Variants in GPR55 observed in about 807,000 individuals in gnomAD.
GPR55 encodes G-protein coupled receptor 55.
In GPR55, 6 loss-of-function variants were observed where a neutral mutation model predicts 7.9. The ratio of observed to expected loss-of-function variants is 0.76; its 90% confidence interval spans 0.41 to 1.49. The LOEUF (loss-of-function observed/expected upper bound fraction) is 1.49. Among genes scored for constraint, GPR55 ranks in the 40% most tolerant of loss-of-function variants. The probability of loss-of-function intolerance (pLI) is 0.01; values close to 1 mark genes in which losing one functional copy is unlikely to be tolerated. For synonymous variants in GPR55, 183 were observed against 166.8 expected (o/e 1.10, Z -0.75); for missense variants, 376 against 406.0 (o/e 0.93, Z 0.63).
intron 1 of GPR55, among the ~76,000 whole-genome samples, chr2:230,956,789 TA>T (rs1305117860): frequency 6.6e-6 from 1 of 152,256 alleles, no homozygotes; most frequent in African/African-American, 2.4e-5. Flanking sequence ...GACTGTTTAA[TA>T]CCTTTTCATC....
intron 1 of GPR55, among the ~76,000 whole-genome samples, chr2:230,953,147 T>C (rs1054704824): frequency 6.6e-6 from 1 of 151,894 alleles, no homozygotes; most frequent in Non-Finnish European, 1.5e-5. Context: ...AGCAACCAGG[T>C]GGAGGTGGTG....
At chr2:230,933,343 A>C (rs900166003) in intron 1 of GPR55, among the ~76,000 whole-genome samples, 1 of 151,210 alleles carries the variant, frequency 6.6e-6, no homozygotes, top group African/African-American at 2.4e-5. Context: ...CGCATCCTCC[A>C]CCTGCCCTCC....
rs773564692 is a variant in GPR55 at position 230,944,025 on chromosome 2, G to C, written c.-135+16750C>G. On this transcript the variant is annotated intron_variant, in intron 1 of 1. Transcript: ENST00000392039. The surrounding 1 kb of genome is among the most constrained non-coding windows in gnomAD (Gnocchi z 4.2). The stretch of plus-strand genomic sequence containing the variant: ...GGGTCTGTCTTAGGAAGGGGCCCTC[G>C]GGCTGTCCCTCTTCTCCCTGGCCCT... 6.6e-6 allele frequency among the ~76,000 whole-genome samples: 1 copy of C among 152,122 alleles called. No homozygotes were observed. Among genetic ancestry groups the C allele is most frequent in the South Asian group, 2.1e-4 (1 of 4,818 alleles).
intron 1 of GPR55, among the ~76,000 whole-genome samples, chr2:230,935,695 G>A (rs570142305): frequency 1.1e-4 from 17 of 152,348 alleles, no homozygotes; most frequent in East Asian, 3.9e-4. Context: ...ATTTTGGACC[G>A]GAGGGTACGG....
intron 1 of GPR55, among the ~76,000 whole-genome samples, chr2:230,931,745 C>T (rs1447677278): frequency 1.3e-5 from 2 of 152,126 alleles, no homozygotes; most frequent in Non-Finnish European, 2.9e-5. Flanking sequence ...GCCCCATCCC[C>T]ATGAGAGCAT....
At position 230,910,221 on chromosome 2, in the gene GPR55, G is replaced by A; in HGVS notation, c.742C>T (p.Leu248=). The A allele has an allele frequency of 6.2e-7, 1 of 1,614,174 alleles. No homozygotes were observed. The highest frequency in any genetic ancestry group is 8.5e-7 in the Non-Finnish European group (1 of 1,179,982). ...SFLPVHLGFF[L]QFLVRNSFIV... ...AAGCTGTTTCTCACCAGGAACTGCA[G>A]GAAGAACCCCAGGTGGACTGGGAGG... Residue 248 remains leucine (L), a synonymous_variant, in exon 2 of 2, where the codon CTG becomes TTG. Transcript: ENST00000650999. This position sits in a 1 kb window ranked among gnomAD's most constrained non-coding sequence, Gnocchi z 5.4.
chr2:230,931,908 T>A (rs1401755804), intron 1 of GPR55, among the ~76,000 whole-genome samples: 1 of 151,590 alleles, frequency 6.6e-6, no homozygotes, highest in Non-Finnish European at 1.5e-5. Flanking sequence ...AAGGGAACCA[T>A]CCAAATGGCA....
Position 230,909,429 on chromosome 2 carries a change from G to A in GPR55, c.*574C>T, listed in dbSNP as rs890666443. The A allele has an allele frequency of 6.5e-6, 1 of 153,446 alleles. No individual in the cohort carries two copies. Among genetic ancestry groups the A allele is most frequent in the Non-Finnish European group, 1.4e-5 (1 of 68,994 alleles). 9.5% of individuals were successfully genotyped at this position (153,446 alleles called of 1,614,324 possible). On this transcript the variant is annotated 3_prime_UTR_variant, in exon 2 of 2. Coordinates refer to ENST00000650999, the MANE Select transcript of GPR55 (RefSeq NM_005683.4). ...TGGGGTGATCCATGCTACTTGCCCA[G>A]CCCCAACACCACCCCTTCTTGCTGT...
intron 1 of GPR55, among the ~76,000 whole-genome samples, chr2:230,920,489 T>A (rs7423424): frequency 2.6e-4 from 40 of 151,900 alleles, no homozygotes; most frequent in East Asian, 7.7e-4. Context: ...CATGATTTTT[T>A]TAAAAAAAAA....
upstream of GPR55, among the ~76,000 whole-genome samples, chr2:230,926,865 G>T (rs543304032): frequency 6.6e-6 from 1 of 151,498 alleles, no homozygotes; most frequent in East Asian, 2.0e-4. Context: ...AACTTTTTTC[G>T]TATTTTTAGT....
chr2:230,925,941 C>T (rs927185711), upstream of GPR55, among the ~76,000 whole-genome samples: 14 of 152,282 alleles, frequency 9.2e-5, no homozygotes, highest in Admixed American at 5.9e-4. Context: ...GAGACTCACC[C>T]GTGGGCCTGG....
In GPR55 at chr2:230,910,139, C is replaced by T. The variant is rs761600709; in HGVS notation, c.824G>A (p.Cys275Tyr). The part of the protein sequence containing the change: ...SISFFLQLSM[C>Y]FSNVNCCLDV... ...CAGGCAGCAGTTGACGTTGGAGAAACACATGGACAATTGCAAGAAGAAGCT... is the reference window on the plus strand; with the variant it reads ...CAGGCAGCAGTTGACGTTGGAGAAATACATGGACAATTGCAAGAAGAAGCT... The change falls in exon 2 of 2, where the codon TGT (cysteine) becomes TAT (tyrosine). Residue 275 changes from cysteine (C) to tyrosine (Y), a missense_variant. Coordinates refer to ENST00000650999, the MANE Select transcript of GPR55 (RefSeq NM_005683.4). The surrounding 1 kb of genome is among the most constrained non-coding windows in gnomAD (Gnocchi z 5.4). 6.2e-7 allele frequency: 1 copy of T among 1,614,146 alleles called. No individual in the cohort carries two copies. Among genetic ancestry groups the T allele is most frequent in the Non-Finnish European group, 8.5e-7 (1 of 1,180,026 alleles).
At chr2:230,934,998 G>C (rs1054790429) in intron 1 of GPR55, among the ~76,000 whole-genome samples, 5 of 152,030 alleles carry the variant, frequency 3.3e-5, no homozygotes, top group Non-Finnish European at 7.4e-5. Context: ...ACACACATGG[G>C]TTACCTCCTT....
At position 230,941,181 on chromosome 2, in the gene GPR55, G is replaced by A. The variant is rs568979579; in HGVS notation, c.-135+19594C>T. 2.0e-5 allele frequency among the ~76,000 whole-genome samples: 3 copies of A among 152,188 alleles called. No individual in the cohort carries two copies. In the South Asian group the frequency reaches 6.2e-4, roughly 32 times the overall value. ...GCCTGGGTGCCTCCAGGCTCAGAGA[G>A]AACCCTCTAGATGCTCTGTCCAGCA... On this transcript the variant is annotated intron_variant, in intron 1 of 1. Transcript: ENST00000392039.
intron 1 of GPR55, among the ~76,000 whole-genome samples, chr2:230,947,591 C>T (rs1464872232): frequency 1.3e-5 from 2 of 150,898 alleles, no homozygotes; most frequent in Non-Finnish European, 2.9e-5. Flanking sequence ...GCAGCCTCGA[C>T]ATCCCAGGCT....
At chr2:230,932,988 G>A (rs1298777079) in intron 1 of GPR55, among the ~76,000 whole-genome samples, 4 of 152,186 alleles carry the variant, frequency 2.6e-5, no homozygotes, top group African/African-American at 4.8e-5. Flanking sequence ...CCCCAGGATC[G>A]TGCTCTCACG....
chr2:230,945,166 C>T (rs564779102), intron 1 of GPR55, among the ~76,000 whole-genome samples: 10 of 152,074 alleles, frequency 6.6e-5, no homozygotes, highest in Admixed American at 6.5e-4. Context: ...AGGTGATCTG[C>T]GCAAAAAGAT....
chr2:230,943,754 T>C (rs1441922848), intron 1 of GPR55, among the ~76,000 whole-genome samples: 1 of 152,132 alleles, frequency 6.6e-6, no homozygotes, highest in Non-Finnish European at 1.5e-5. Flanking sequence ...TCTTGCGAGA[T>C]CTGGCTGTTT....
At chr2:230,932,681 A>G (rs975197330) in intron 1 of GPR55, among the ~76,000 whole-genome samples, 6 of 152,146 alleles carry the variant, frequency 3.9e-5, no homozygotes, top group African/African-American at 1.4e-4. Flanking sequence ...CTGTGCCTGC[A>G]TGAGCCCCAA....
Sources: gnomAD v4.1 joint callset for allele counts (sites outside exome capture counted in the v4.1 genomes callset) on GRCh38, gnomAD v4.1.1 for gene constraint, Gnocchi (gnomAD v3.1) non-coding constraint, MANE v1.5 for transcripts, NCBI Gene and HGNC (gene_info 2026-07-23, HGNC 2026-07-21) for gene names.